VPS13A: variants seen among roughly 807,000 people sequenced by gnomAD.
The protein encoded by VPS13A is intermembrane lipid transfer protein VPS13A.
In VPS13A, 264 loss-of-function variants were observed where a neutral mutation model predicts 390.9. The ratio of observed to expected loss-of-function variants is 0.68; its 90% CI spans 0.61 to 0.75. The LOEUF (loss-of-function observed/expected upper bound fraction) is 0.75. VPS13A is among the 30% of genes least tolerant of loss of function. VPS13A has a pLI of 0.00. For synonymous variants in VPS13A, 1,231 were observed against 1,227.1 expected (o/e 1.00, Z -0.07); for missense variants, 3,409 against 3,733.9 (o/e 0.91, Z 2.27).
chr9:77,345,238 T>C, intron 52 of VPS13A, 96 bp downstream of exon 52: 5 of 1,316,594 alleles, frequency 3.8e-6, no homozygotes, highest in Non-Finnish European at 5.4e-6. Context: ...TAAACACTGA[T>C]AATAGCATTG....
intron 46 of VPS13A, among the ~76,000 whole-genome samples, chr9:77,335,776 A>AT (rs1218262455): frequency 6.6e-6 from 1 of 152,224 alleles, no homozygotes; most frequent in Non-Finnish European, 1.5e-5. Flanking sequence ...TAGTTCAAGC[A>AT]TTGTGGAAGA....
chr9:77,328,463 C>T (rs528744108), intron 45 of VPS13A, among the ~76,000 whole-genome samples: 63 of 152,320 alleles, frequency 4.1e-4, no homozygotes, highest in African/African-American at 1.4e-3. Flanking sequence ...GACTGTCCTT[C>T]GAAGCTTTGA....
intron 37 of VPS13A, among the ~76,000 whole-genome samples, 157 bp from the exon 38 acceptor site, chr9:77,315,096 T>A (rs1445631533): frequency 1.3e-5 from 2 of 152,192 alleles, no homozygotes; most frequent in African/African-American, 4.8e-5. Flanking sequence ...TTTGTAAGTT[T>A]GTTATTTGGA....
At chr9:77,376,445 A>G (rs1274679252) in intron 67 of VPS13A, among the ~76,000 whole-genome samples, 1 of 152,202 alleles carries the variant, frequency 6.6e-6, no homozygotes, top group Non-Finnish European at 1.5e-5. Flanking sequence ...AATCCAAGTG[A>G]GTGACAATGG....
At chr9:77,225,453 C>G (rs1823454945) in intron 13 of VPS13A, among the ~76,000 whole-genome samples, 1 of 152,020 alleles carries the variant, frequency 6.6e-6, no homozygotes, top group African/African-American at 2.4e-5. Flanking sequence ...GCAGTGTTGC[C>G]CAGGCTGGTC....
chr9:77,340,828 G>T (rs887846427), intron 50 of VPS13A: 22 of 370,430 alleles, frequency 5.9e-5, no homozygotes, highest in Middle Eastern at 8.1e-4. Flanking sequence ...GACTAGATAA[G>T]ATGTAAATGC....
rs1003951717 is a variant in VPS13A, at chr9:77,301,616, T to C, written c.3813-1299T>C. On this transcript the variant is annotated intron_variant, in intron 33 of 71. Coordinates refer to ENST00000360280, the MANE Select transcript of VPS13A (RefSeq NM_033305.3). Reference sequence around the variant, plus strand: ...GATTTGCTGCTAATTAAAATATAAGTACATTATTGAGGAGTAACACTTTGA... The same window carrying C: ...GATTTGCTGCTAATTAAAATATAAGCACATTATTGAGGAGTAACACTTTGA... Among the ~76,000 whole-genome samples, 9 of 152,290 alleles carry C rather than the reference T, an allele frequency of 5.9e-5. No individual in the cohort carries two copies. The East Asian group carries it at 1.5e-3, about 26-fold the overall frequency.
chr9:77,370,549 A>G lies in VPS13A; in HGVS notation c.8878A>G (p.Ile2960Val), dbSNP rs1172803937. ...NKQPAGFREG[I>V]TRGGKGLVSG... ...GCAACCAGCTGGTTTTAGAGAAGGCATCACTCGTGGAGGAAAAGGCTTAGT... is the reference window on the plus strand; with the variant it reads ...GCAACCAGCTGGTTTTAGAGAAGGCGTCACTCGTGGAGGAAAAGGCTTAGT... The change falls in exon 65 of 72, where the codon ATC (isoleucine) becomes GTC (valine). Residue 2960 changes from isoleucine (I) to valine (V), a missense_variant. By Grantham distance (29) the Ile-to-Val change is conservative. This residue lies in a region of VPS13A where 318 missense variants were observed against 333.7 expected (regional missense o/e 0.95). Coordinates refer to ENST00000360280, the MANE Select transcript of VPS13A (RefSeq NM_033305.3). The G allele has an allele frequency of 1.2e-6, 2 of 1,614,066 alleles. No homozygotes were observed. Among genetic ancestry groups the G allele is most frequent in the Non-Finnish European group, 1.7e-6 (2 of 1,180,030 alleles).
intron 45 of VPS13A, among the ~76,000 whole-genome samples, chr9:77,326,962 C>T (rs998059807): frequency 1.3e-5 from 2 of 152,146 alleles, no homozygotes; most frequent in African/African-American, 4.8e-5. Flanking sequence ...ATGCAGGTCT[C>T]TCCCCTCAAG....
intron 71 of VPS13A, among the ~76,000 whole-genome samples, chr9:77,414,733 G>T (rs1835095892): frequency 1.1e-5 from 1 of 90,438 alleles, no homozygotes; most frequent in African/African-American, 4.6e-5. Flanking sequence ...AAAACTTGAA[G>T]TATAATTAAT....
chr9:77,260,189 G>C lies in VPS13A; in HGVS notation c.2392G>C (p.Val798Leu), dbSNP rs761012267. ...TGAAAGCATTCCAAAACCTGAACCAGTAACTGAAGTATCTGCCCCTGTCAA... is the reference window on the plus strand; with the variant it reads ...TGAAAGCATTCCAAAACCTGAACCACTAACTGAAGTATCTGCCCCTGTCAA... The part of the protein sequence containing the change: ...LIESIPKPEP[V>L]TEVSAPVKSF... The change falls in exon 23 of 72, where the codon GTA becomes CTA. Residue 798 changes from valine (V) to leucine (L), a missense_variant. Val to Leu is a conservative substitution (Grantham distance 32). Around this residue, in one of 5 missense-constraint regions of VPS13A, gnomAD observed 2,717 missense variants for 2,917.4 expected, o/e 0.93. Coordinates refer to ENST00000360280, the MANE Select transcript of VPS13A (RefSeq NM_033305.3). 3.1e-5 allele frequency: 50 copies of C among 1,613,344 alleles called. 1 individual carries two copies. The highest frequency in any genetic ancestry group is 2.4e-4 in the South Asian group (22 of 90,976).
At chr9:77,206,122 A>G (rs763646015) in intron 5 of VPS13A, 43 bp downstream of exon 5, 7 of 1,266,644 alleles carry the variant, frequency 5.5e-6, no homozygotes, top group Non-Finnish European at 7.8e-6. Context: ...GAGAAGTAGA[A>G]AAGACCTAAA....
chr9:77,355,688 T>A (rs980026307), intron 54 of VPS13A, among the ~76,000 whole-genome samples: 1 of 152,180 alleles, frequency 6.6e-6, no homozygotes, highest in Admixed American at 6.5e-5. Flanking sequence ...AGCTTTCCAA[T>A]CAGAGTTAAT....
At chr9:77,298,443 CAG>C (rs1462327547) in intron 33 of VPS13A, among the ~76,000 whole-genome samples, 1 of 152,060 alleles carries the variant, frequency 6.6e-6, no homozygotes, top group Non-Finnish European at 1.5e-5. Flanking sequence ...TAGGAGCAGA[CAG>C]AGAGATGAGA....
rs768251867 is a variant in VPS13A, at chr9:77,321,324, C to T, written c.5571C>T (p.Val1857=). Residue 1857 remains valine, a synonymous_variant, in exon 43 of 72, where the codon GTC becomes GTT. Transcript: ENST00000360280. ...GTCTTGTAATGTTAAACAATTTAGT[C>T]AAGGTAAGAAAAGAAATTTGAAACT... The part of the protein sequence containing the change: ...KCGLVMLNNL[V]KAFTEAATGS... 2 of 1,604,184 alleles carry T rather than the reference C, an allele frequency of 1.2e-6. No homozygotes were observed. The highest frequency in any genetic ancestry group is 1.7e-6 in the Non-Finnish European group (2 of 1,173,454).
chr9:77,298,827 C>G (rs1378493703), intron 33 of VPS13A, among the ~76,000 whole-genome samples: 1 of 152,096 alleles, frequency 6.6e-6, no homozygotes, highest in African/African-American at 2.4e-5. Context: ...GTTAATAAGT[C>G]TCACGAACTC....
intron 46 of VPS13A, among the ~76,000 whole-genome samples, chr9:77,333,826 A>T (rs1830405226): frequency 6.6e-6 from 1 of 152,184 alleles, no homozygotes; most frequent in Admixed American, 6.5e-5. Context: ...ATATTTAAGT[A>T]GAATTTAAAT....
intron 1 of VPS13A, among the ~76,000 whole-genome samples, chr9:77,191,285 T>C (rs1295773633): frequency 1.3e-5 from 2 of 150,626 alleles, no homozygotes; most frequent in Non-Finnish European, 3.0e-5. Context: ...TTTCTTTTCT[T>C]TTTCTTCTTC....
intron 52 of VPS13A, 104 bp downstream of exon 52, chr9:77,345,246 T>G: frequency 8.0e-7 from 1 of 1,255,850 alleles, no homozygotes; most frequent in Non-Finnish European, 1.1e-6. Flanking sequence ...GATAATAGCA[T>G]TGTAGCTGTG....
Sources: gnomAD v4.1 joint callset for allele counts (sites outside exome capture counted in the v4.1 genomes callset) on GRCh38, gnomAD v4.1.1 for gene constraint, gnomAD v4.1.1 regional missense constraint, MANE v1.5 for transcripts, NCBI Gene and HGNC (gene_info 2026-07-23, HGNC 2026-07-21) for gene names.